Variants in NCKAP5 observed in about 807,000 individuals in gnomAD.
NCKAP5 encodes the protein NCK associated protein 5.
In NCKAP5, 92 loss-of-function variants were observed where a neutral mutation model predicts 167.0. The ratio of observed to expected loss-of-function variants is 0.55; its 90% CI spans 0.47 to 0.66. NCKAP5 has a LOEUF of 0.66. NCKAP5 is among the 30% of genes least tolerant of loss of function. NCKAP5 has a pLI of 0.00. For synonymous variants in NCKAP5, 891 were observed against 877.4 expected, an observed-to-expected ratio of 1.02 and a Z score of -0.27; for missense variants, 2,378 against 2,315.0, an observed-to-expected ratio of 1.03 and a Z score of -0.56.
At position 132,840,274 on chromosome 2, in the gene NCKAP5, G is replaced by A. The variant is rs72991359; in HGVS notation, c.807+20218C>T. On this transcript the variant is annotated intron_variant, in intron 11 of 19. Coordinates refer to ENST00000409261, the MANE Select transcript of NCKAP5 (RefSeq NM_207363.3). ...ACACAGAGATGATTGGCATTGCACA[G>A]CATTTTTTTTTTTTTTTTTGAGATA... is the stretch of plus-strand genomic sequence containing the variant. Among the ~76,000 whole-genome samples the A allele has an allele frequency of 8.3e-3, 1,076 of 129,262 alleles. 17 individuals are homozygous for A. Among genetic ancestry groups the A allele is most frequent in the African/African-American group, 0.028 (1,018 of 36,128 alleles). The allele number at this position is 129,262 out of a possible 152,430, so 84.8% of individuals were successfully genotyped here.
intron 16 of NCKAP5, among the ~76,000 whole-genome samples, chr2:132,769,120 A>G (rs1289277952): frequency 6.6e-6 from 1 of 150,402 alleles, no homozygotes; most frequent in African/African-American, 2.5e-5. Flanking sequence ...AATTTTTTAA[A>G]AATTTTTAGT....
intron 5 of NCKAP5, among the ~76,000 whole-genome samples, chr2:133,207,656 C>G (rs557002347): frequency 6.7e-6 from 1 of 150,200 alleles, no homozygotes; most frequent in African/African-American, 2.5e-5. Flanking sequence ...AAAACAACAA[C>G]GACAACAACA....
chr2:132,864,778 G>T (rs1464147336), intron 10 of NCKAP5, among the ~76,000 whole-genome samples: 1 of 152,174 alleles, frequency 6.6e-6, no homozygotes, highest in Non-Finnish European at 1.5e-5. Context: ...AAGTAAAAAT[G>T]ACATGATAGT....
chr2:133,138,982 C>T (rs950502083), intron 5 of NCKAP5, among the ~76,000 whole-genome samples: 2 of 152,176 alleles, frequency 1.3e-5, no homozygotes, highest in African/African-American at 4.8e-5. Context: ...TTTAAACTCA[C>T]GAATTAACAT....
chr2:133,073,818 G>C (rs1250140862), intron 6 of NCKAP5, among the ~76,000 whole-genome samples: 1 of 151,664 alleles, frequency 6.6e-6, no homozygotes, highest in Non-Finnish European at 1.5e-5. Context: ...AGGGAAAAAA[G>C]CACCCAGGGC....
intron 3 of NCKAP5, among the ~76,000 whole-genome samples, chr2:133,386,560 A>T (rs1686983568): frequency 6.6e-6 from 1 of 152,162 alleles, no homozygotes; most frequent in African/African-American, 2.4e-5. Flanking sequence ...GATGTCTGTT[A>T]GGTCTGCTTG....
At chr2:133,303,701 T>A (rs768445782) in intron 3 of NCKAP5, among the ~76,000 whole-genome samples, 32 of 150,604 alleles carry the variant, frequency 2.1e-4, no homozygotes, top group Non-Finnish European at 4.3e-4. Flanking sequence ...AGGTATGGTG[T>A]ATTCTGCTCT....
intron 5 of NCKAP5, among the ~76,000 whole-genome samples, chr2:133,202,500 C>G (rs573295401): frequency 6.6e-6 from 1 of 152,218 alleles, no homozygotes; most frequent in East Asian, 1.9e-4. Flanking sequence ...GTCTAAAACA[C>G]CAAAAGCAAA....
intron 8 of NCKAP5, among the ~76,000 whole-genome samples, chr2:132,934,572 G>A (rs191706428): frequency 4.0e-5 from 6 of 151,830 alleles, no homozygotes; most frequent in Admixed American, 6.6e-5. Flanking sequence ...ACTCTGTCTC[G>A]AACAAAGAAA....
chr2:133,135,425 C>T (rs535985237), intron 5 of NCKAP5, among the ~76,000 whole-genome samples: 6 of 152,088 alleles, frequency 3.9e-5, no homozygotes, highest in Admixed American at 1.3e-4. Flanking sequence ...GGATAGACCA[C>T]GTAGGACCAT....
At chr2:133,418,286 A>G (rs1242859181) in intron 3 of NCKAP5, among the ~76,000 whole-genome samples, 4 of 152,222 alleles carry the variant, frequency 2.6e-5, no homozygotes, top group African/African-American at 9.6e-5. Context: ...TTCTGCAGCT[A>G]AACAACTCTG....
chr2:132,805,151 C>T (rs1311364604), intron 11 of NCKAP5, among the ~76,000 whole-genome samples: 1 of 151,992 alleles, frequency 6.6e-6, no homozygotes, highest in Non-Finnish European at 1.5e-5. Flanking sequence ...TTATCGAGCT[C>T]TTTTTAGCAC....
intron 6 of NCKAP5, among the ~76,000 whole-genome samples, chr2:133,027,591 A>G (rs2078742143): frequency 6.6e-6 from 1 of 152,116 alleles, no homozygotes; most frequent in Non-Finnish European, 1.5e-5. Flanking sequence ...TCATGACACT[A>G]AGGGTATATA....
chr2:133,571,189 T>C (rs925353604), upstream of NCKAP5, among the ~76,000 whole-genome samples: 4 of 148,784 alleles, frequency 2.7e-5, no homozygotes, highest in African/African-American at 9.9e-5. Context: ...AGCCCATGTT[T>C]CCTGCATATT....
intron 2 of NCKAP5, among the ~76,000 whole-genome samples, chr2:133,529,112 A>G (rs1173332922): frequency 6.6e-6 from 1 of 152,206 alleles, no homozygotes; most frequent in Non-Finnish European, 1.5e-5. Context: ...AATGTTGTAG[A>G]ACTTGGCCAA....
intron 19 of NCKAP5, among the ~76,000 whole-genome samples, chr2:132,702,053 T>C (rs1687938213): frequency 6.6e-6 from 1 of 152,184 alleles, no homozygotes; most frequent in Admixed American, 6.5e-5. Context: ...TGGTCTCCAA[T>C]TAAGTGAACC....
chr2:133,179,391 G>C (rs2084633724), intron 5 of NCKAP5, among the ~76,000 whole-genome samples: 1 of 151,440 alleles, frequency 6.6e-6, no homozygotes, highest in Admixed American at 6.6e-5. Flanking sequence ...AGGATTTTAG[G>C]AATAGGGATG....
intron 11 of NCKAP5, among the ~76,000 whole-genome samples, chr2:132,859,314 C>T (rs934351169): frequency 3.5e-4 from 54 of 152,130 alleles, no homozygotes; most frequent in African/African-American, 1.0e-3. Flanking sequence ...TACAATTTCC[C>T]GTTATTTCTC....
chr2:133,370,111 C>T (rs906678188), intron 3 of NCKAP5, among the ~76,000 whole-genome samples: 3 of 152,144 alleles, frequency 2.0e-5, no homozygotes, highest in African/African-American at 4.8e-5. Flanking sequence ...TTAGTCATGA[C>T]GGGGGAAGAC....
Sources: allele counts gnomAD v4.1 joint callset (sites outside exome capture counted in the v4.1 genomes callset), GRCh38; gene constraint gnomAD v4.1.1; transcripts MANE v1.5; gene names NCBI Gene and HGNC (gene_info 2026-07-23, HGNC 2026-07-21).